LAMA2: variants seen among roughly 807,000 people sequenced by gnomAD.
LAMA2 encodes laminin subunit alpha 2, also known as laminin subunit alpha-2.
A neutral mutation model predicts 364.8 loss-of-function variants in LAMA2; 269 were observed. That is an observed-to-expected ratio of 0.74 (90% CI 0.67 to 0.82). LAMA2 has a LOEUF of 0.82. LAMA2 is among the 40% of genes least tolerant of loss of function. LAMA2 has a pLI of 0.00. For missense variants in LAMA2, 3,807 were observed against 3,873.2 expected, an observed-to-expected ratio of 0.98 and a Z score of 0.45; for synonymous variants, 1,379 against 1,370.6, an observed-to-expected ratio of 1.01 and a Z score of -0.14.
chr6:129,462,044 G>T (rs1323287892), intron 49 of LAMA2, among the ~76,000 whole-genome samples: 1 of 151,988 alleles, frequency 6.6e-6, no homozygotes, highest in Non-Finnish European at 1.5e-5. Context: ...TGAGGTAAGA[G>T]TCCAAAAAGA....
At chr6:129,215,708 T>A (rs1783385261) in intron 12 of LAMA2, among the ~76,000 whole-genome samples, 1 of 152,152 alleles carries the variant, frequency 6.6e-6, no homozygotes, top group Admixed American at 6.5e-5. Context: ...ACTTTATCTA[T>A]AAAATGGAGA....
intron 58 of LAMA2, among the ~76,000 whole-genome samples, chr6:129,497,797 G>A (rs1279277649): frequency 6.6e-6 from 1 of 152,182 alleles, no homozygotes; most frequent in South Asian, 2.1e-4. Flanking sequence ...AATGGATTAT[G>A]TCAATCTTAT....
rs1786952603 is a variant in LAMA2, at chr6:129,039,773, T to TTC, written c.113-10144_113-10143dup. On this transcript the variant is annotated intron_variant, in intron 1 of 64. Transcript: ENST00000421865. ...CAACCTAGATCCCTCGCATGCACAG[T>TTC]TCACAATATGGTTCACGTTCCTGTG... Among the ~76,000 whole-genome samples the TTC allele has an allele frequency of 2.0e-5, 3 of 152,302 alleles. No individual in the cohort carries two copies. In the South Asian group the frequency reaches 6.2e-4, roughly 32 times the overall value.
intron 1 of LAMA2, among the ~76,000 whole-genome samples, chr6:128,904,600 G>A (rs527385814): frequency 6.6e-5 from 10 of 151,824 alleles, no homozygotes; most frequent in Non-Finnish European, 8.8e-5. Flanking sequence ...GATTACAGGC[G>A]AGCGCCACCA....
At chr6:129,335,039 C>G (rs181934214) in intron 29 of LAMA2, among the ~76,000 whole-genome samples, 1 of 152,082 alleles carries the variant, frequency 6.6e-6, no homozygotes, top group African/African-American at 2.4e-5. Context: ...ATCTTCACAC[C>G]TTTCCCTGAA....
intron 12 of LAMA2, among the ~76,000 whole-genome samples, chr6:129,229,448 G>C (rs1784537240): frequency 6.6e-6 from 1 of 152,096 alleles, no homozygotes; most frequent in East Asian, 1.9e-4. Flanking sequence ...GAAGGATATG[G>C]GGAAGGGGAA....
chr6:128,957,983 T>C (rs1781259959), intron 1 of LAMA2, among the ~76,000 whole-genome samples: 1 of 151,922 alleles, frequency 6.6e-6, no homozygotes, highest in South Asian at 2.1e-4. Flanking sequence ...ATACAGGGAA[T>C]AATTCATTCC....
At chr6:129,270,889 T>C (rs1429800615) in intron 17 of LAMA2, 138 bp downstream of exon 17, 6 of 973,224 alleles carry the variant, frequency 6.2e-6, no homozygotes, top group Admixed American at 2.1e-5. Context: ...GAAAATTATA[T>C]GAATTTTTTC....
intron 29 of LAMA2, among the ~76,000 whole-genome samples, chr6:129,334,441 G>T (rs1335045531): frequency 6.6e-6 from 1 of 152,100 alleles, no homozygotes; most frequent in Non-Finnish European, 1.5e-5. Flanking sequence ...ATTACTTAGT[G>T]CATGGTACGC....
intron 3 of LAMA2, among the ~76,000 whole-genome samples, chr6:129,090,807 T>G (rs930134054): frequency 1.1e-4 from 16 of 152,204 alleles, no homozygotes; most frequent in African/African-American, 3.9e-4. Context: ...GTCTCTTTTT[T>G]GGGGATGTTT....
intron 52 of LAMA2, 139 bp downstream of exon 52, chr6:129,473,491 T>C (rs1272949688): frequency 1.3e-6 from 1 of 764,170 alleles, no homozygotes; most frequent in East Asian, 2.7e-5. Context: ...AAACATCATG[T>C]TGCATGTTAG....
At chr6:129,159,099 T>C (rs569964299) in intron 8 of LAMA2, 2 of 1,578,440 alleles carry the variant, frequency 1.3e-6, no homozygotes, top group Non-Finnish European at 8.7e-7. Flanking sequence ...AATAATCTGA[T>C]GTAAATGTAT....
intron 20 of LAMA2, among the ~76,000 whole-genome samples, chr6:129,292,432 T>C (rs1342109641): frequency 6.6e-6 from 1 of 152,278 alleles, no homozygotes; most frequent in South Asian, 2.1e-4. Context: ...CTACTTCCTG[T>C]GAGCAGTCTA....
intron 22 of LAMA2, among the ~76,000 whole-genome samples, chr6:129,309,900 T>C (rs1774100254): frequency 6.9e-6 from 1 of 144,002 alleles, no homozygotes; most frequent in Non-Finnish European, 1.5e-5. Context: ...ATCCTGATAA[T>C]CATTTTTTTT....
At chr6:129,239,327 T>C (rs961565288) in intron 12 of LAMA2, among the ~76,000 whole-genome samples, 13 of 152,196 alleles carry the variant, frequency 8.5e-5, no homozygotes, top group Non-Finnish European at 1.9e-4. Flanking sequence ...TATACCATCT[T>C]CCTAATACTA....
At chr6:129,376,072 C>A (rs938812541) in intron 34 of LAMA2, among the ~76,000 whole-genome samples, 2 of 152,180 alleles carry the variant, frequency 1.3e-5, no homozygotes, top group Non-Finnish European at 2.9e-5. Context: ...CCTATCATGT[C>A]ATTCTCTTCC....
intron 10 of LAMA2, among the ~76,000 whole-genome samples, chr6:129,189,883 C>G (rs959063603): frequency 6.6e-6 from 1 of 152,020 alleles, no homozygotes; most frequent in Non-Finnish European, 1.5e-5. Flanking sequence ...CTAACTGGCC[C>G]CATTTTAGTC....
intron 1 of LAMA2, among the ~76,000 whole-genome samples, chr6:128,920,337 T>C (rs1010895798): frequency 6.6e-6 from 1 of 152,028 alleles, no homozygotes; most frequent in African/African-American, 2.4e-5. Context: ...TTTGTATTTT[T>C]AGTAGAGACA....
At chr6:129,421,437 A>G (rs543520813) in intron 40 of LAMA2, among the ~76,000 whole-genome samples, 12 of 152,198 alleles carry the variant, frequency 7.9e-5, no homozygotes, top group Middle Eastern at 3.4e-3. Flanking sequence ...CTTGCAACTC[A>G]AAGAATCTCA....
Sources: gnomAD v4.1 joint callset for allele counts (sites outside exome capture counted in the v4.1 genomes callset) on GRCh38, gnomAD v4.1.1 for gene constraint, MANE v1.5 for transcripts, NCBI Gene and HGNC (gene_info 2026-07-23, HGNC 2026-07-21) for gene names.